Variants in NPSR1 observed in about 807,000 individuals in gnomAD.
NPSR1 encodes the protein neuropeptide S receptor.
Under a neutral mutation model 46.9 loss-of-function variants are expected in NPSR1, and 48 were observed. That is an observed-to-expected ratio of 1.02 (90% CI 0.81 to 1.30). The LOEUF is 1.30. NPSR1 is among the 50% of genes most tolerant of loss of function. NPSR1 has a pLI of 0.00. For missense variants in NPSR1, 450 were observed against 449.5 expected (o/e 1.00, Z -0.01); for synonymous variants, 176 against 168.1 (o/e 1.05, Z -0.36).
At chr7:34,717,848 G>C (rs1445059026) in intron 2 of NPSR1, among the ~76,000 whole-genome samples, 1 of 152,196 alleles carries the variant, frequency 6.6e-6, no homozygotes, top group Middle Eastern at 3.2e-3. Context: ...ATCCTGCTTG[G>C]AGAATTTTGA....
chr7:34,687,110 A>T (rs1217752744), intron 2 of NPSR1, among the ~76,000 whole-genome samples: 1 of 151,274 alleles, frequency 6.6e-6, no homozygotes. Context: ...ACCACTACCA[A>T]ACCGTGATCT....
At chr7:34,665,185 T>TA (rs1225783005) in intron 1 of NPSR1, among the ~76,000 whole-genome samples, 1 of 152,150 alleles carries the variant, frequency 6.6e-6, no homozygotes, top group Admixed American at 6.5e-5. Flanking sequence ...TCTCCAACAG[T>TA]AAAAAACAAA....
At chr7:34,720,636 C>T (rs1175476486) in intron 2 of NPSR1, among the ~76,000 whole-genome samples, 1 of 151,918 alleles carries the variant, frequency 6.6e-6, no homozygotes, top group East Asian at 1.9e-4. Context: ...TGTGCATGTA[C>T]TTAACTGCAG....
At chr7:34,839,081 A>T (rs149393267) in intron 6 of NPSR1, among the ~76,000 whole-genome samples, 2 of 152,354 alleles carry the variant, frequency 1.3e-5, no homozygotes, top group East Asian at 3.9e-4. Flanking sequence ...ATTTAAGAGA[A>T]GCCCATTAAC....
chr7:34,856,450 A>G (rs1791049063), intron 8 of NPSR1, among the ~76,000 whole-genome samples: 1 of 151,786 alleles, frequency 6.6e-6, no homozygotes, highest in African/African-American at 2.4e-5. Context: ...GAAAAATAAG[A>G]GAAAAAGCAT....
At chr7:34,822,757 T>C (rs1161650571) in intron 4 of NPSR1, among the ~76,000 whole-genome samples, 1 of 152,128 alleles carries the variant, frequency 6.6e-6, no homozygotes, top group African/African-American at 2.4e-5. Context: ...AAGTAAATTT[T>C]AGTTGGATTG....
chr7:34,728,499 G>A (rs324381), intron 2 of NPSR1, among the ~76,000 whole-genome samples: 47,214 of 152,110 alleles, frequency 0.31, 7,688 homozygotes, highest in East Asian at 0.44. Context: ...AGGTAGAGCA[G>A]ACGCTCTTGC....
chr7:34,842,592 G>A (rs761056681), intron 6 of NPSR1, among the ~76,000 whole-genome samples: 4 of 152,188 alleles, frequency 2.6e-5, no homozygotes, highest in Non-Finnish European at 4.4e-5. Context: ...CTTACAAGGC[G>A]GAGGTTCGTG....
At chr7:34,663,087 G>GTTTGTGTGTGTGTGTA (rs1323314669) in intron 1 of NPSR1, among the ~76,000 whole-genome samples, 2 of 96,298 alleles carry the variant, frequency 2.1e-5, no homozygotes, top group Non-Finnish European at 4.0e-5. Flanking sequence ...GTGTGTATGT[G>GTTTGTGTGTGTGTGTA]TGTGTGGCGG....
chr7:34,754,540 C>T (rs79309881), intron 2 of NPSR1, among the ~76,000 whole-genome samples: 1,634 of 152,010 alleles, frequency 0.011, 29 homozygotes, highest in African/African-American at 0.038. Flanking sequence ...ATTCCCAGTA[C>T]CACCTCTTCC....
At chr7:34,808,966 C>T (rs888614239) in intron 3 of NPSR1, among the ~76,000 whole-genome samples, 10 of 152,124 alleles carry the variant, frequency 6.6e-5, no homozygotes, top group African/African-American at 2.4e-4. Context: ...TTTTTATCAA[C>T]ATTGACTGCT....
Position 34,737,420 on chromosome 7 carries a change from C to T in NPSR1, c.281-41042C>T, listed in dbSNP as rs11972817. Reference sequence around the variant, plus strand: ...TCCATCTCGCACTGCATTTCTTTACCACCCATTAGAGGAAAACTTCTTGCA... The same window carrying T: ...TCCATCTCGCACTGCATTTCTTTACTACCCATTAGAGGAAAACTTCTTGCA... On this transcript the variant is annotated intron_variant, in intron 2 of 8. Coordinates refer to ENST00000360581, the MANE Select transcript of NPSR1 (RefSeq NM_207172.2). Among the ~76,000 whole-genome samples the T allele has an allele frequency of 1.9e-3, 293 of 152,260 alleles. 5 individuals carry two copies. Among genetic ancestry groups the T allele is most frequent in the African/African-American group, 6.7e-3 (280 of 41,552 alleles).
At chr7:34,846,639 A>T (rs1352024359) in intron 7 of NPSR1, among the ~76,000 whole-genome samples, 2 of 152,182 alleles carry the variant, frequency 1.3e-5, no homozygotes, top group African/African-American at 2.4e-5. Flanking sequence ...AAACCAATAC[A>T]GGTGTATTTT....
chr7:34,783,899 T>C lies in NPSR1; in HGVS notation c.384+5334T>C, dbSNP rs186920285. ...AAACAAACTGCCAACCAAAAATATT[T>C]ACCCAACAAAGCTGTCCTTTAGGAA... On this transcript the variant is annotated intron_variant, in intron 3 of 8. Coordinates refer to ENST00000360581, the MANE Select transcript of NPSR1 (RefSeq NM_207172.2). Among the ~76,000 whole-genome samples, 13 of 152,170 alleles carry C rather than the reference T, an allele frequency of 8.5e-5. 1 individual carries two copies. The highest frequency in any genetic ancestry group is 1.9e-4 in the Non-Finnish European group (13 of 67,984).
chr7:34,818,459 G>C (rs1789368482), intron 4 of NPSR1, among the ~76,000 whole-genome samples: 1 of 152,178 alleles, frequency 6.6e-6, no homozygotes, highest in South Asian at 2.1e-4. Context: ...CTCATGGATA[G>C]GAAGAATCCA....
intron 4 of NPSR1, among the ~76,000 whole-genome samples, chr7:34,824,982 C>T (rs1420406026): frequency 6.6e-6 from 1 of 152,096 alleles, no homozygotes; most frequent in Non-Finnish European, 1.5e-5. Flanking sequence ...TTCTCTGTTC[C>T]TTTAGGGACC....
rs1209163601 is a variant in NPSR1 at position 34,739,457 on chromosome 7, G to C, written c.281-39005G>C. Among the ~76,000 whole-genome samples the C allele has an allele frequency of 2.6e-5, 4 of 152,218 alleles. 1 individual carries two copies. In the Middle Eastern group the frequency reaches 0.01, roughly 388 times the overall value. On this transcript the variant is annotated intron_variant, in intron 2 of 8. Transcript: ENST00000360581. ...CTAGTGGCTGTGAAATGGTATCTCT[G>C]TGGTTTTGGTTTGCATTTTCCTAAT...
Position 34,809,280 on chromosome 7 carries a change from A to G in NPSR1, c.385-2490A>G, listed in dbSNP as rs938736204. The stretch of plus-strand genomic sequence containing the variant: ...TAGTCTTCCATTTTTCTCTTTCTCT[A>G]TTTGTCACCTTTTCCCAAGAGATAA... On this transcript the variant is annotated intron_variant, in intron 3 of 8. Transcript: ENST00000360581. 8.0e-5 allele frequency among the ~76,000 whole-genome samples: 12 copies of G among 150,496 alleles called. No homozygotes were observed. The East Asian group carries it at 1.2e-3, about 15-fold the overall frequency.
Position 34,778,514 on chromosome 7 carries a change from T to C in NPSR1, c.333T>C (p.Thr111=). 1 of 1,613,090 alleles carries C rather than the reference T, an allele frequency of 6.2e-7. No homozygotes were observed. Among genetic ancestry groups the C allele is most frequent in the Non-Finnish European group, 8.5e-7 (1 of 1,179,338 alleles). ...TGACAGATATTAATTGGCGATTCACTGGAGACTTCACGGCACCTGACCTGG... is the reference window on the plus strand; with the variant it reads ...TGACAGATATTAATTGGCGATTCACCGGAGACTTCACGGCACCTGACCTGG... ...NILTDINWRF[T]GDFTAPDLVC... The change falls in exon 3 of 9, where the codon ACT becomes ACC. Residue 111 remains threonine (T), a synonymous_variant. Transcript: ENST00000360581.
Sources: allele counts gnomAD v4.1 joint callset (sites outside exome capture counted in the v4.1 genomes callset), GRCh38; gene constraint gnomAD v4.1.1; transcripts MANE v1.5; gene names NCBI Gene and HGNC (gene_info 2026-07-23, HGNC 2026-07-21).